LRRTM4: variants seen among roughly 807,000 people sequenced by gnomAD.
LRRTM4 encodes leucine-rich repeat transmembrane neuronal protein 4.
LRRTM4 carries 25 observed loss-of-function variants against 47.6 expected under a neutral mutation model. The observed-to-expected ratio is 0.53, with a 90% CI of 0.38 to 0.73. LRRTM4 has a LOEUF of 0.73. Ranked by LOEUF, LRRTM4 falls within the 30% of genes least tolerant of loss-of-function variation. LRRTM4 has a pLI of 0.00. For synonymous variants in LRRTM4, 311 were observed against 269.5 expected, an observed-to-expected ratio of 1.15 and a Z score of -1.51; for missense variants, 638 against 713.4, an observed-to-expected ratio of 0.89 and a Z score of 1.20.
At chr2:76,955,100 T>G (rs1386127917) in intron 3 of LRRTM4, among the ~76,000 whole-genome samples, 2 of 151,582 alleles carry the variant, frequency 1.3e-5, no homozygotes, top group Non-Finnish European at 2.9e-5. Context: ...CATGTTAAAA[T>G]AAAAGGACAC....
rs200305510 is a variant in LRRTM4, at chr2:76,847,424, A to G, written c.1552-98508T>C. Reference sequence around the variant, plus strand: ...CAGTTTACAGTTTTTTCATGAGCCAATGACTTTCCTATTTGTCATCTTCTC... The same window carrying G: ...CAGTTTACAGTTTTTTCATGAGCCAGTGACTTTCCTATTTGTCATCTTCTC... On this transcript the variant is annotated intron_variant, in intron 3 of 3. Transcript: ENST00000409884. Among the ~76,000 whole-genome samples, 33 of 152,216 alleles carry G rather than the reference A, an allele frequency of 2.2e-4. No homozygotes were observed. The East Asian group carries it at 6.2e-3, about 29-fold the overall frequency.
At chr2:77,451,585 C>T (rs1404486401) in intron 3 of LRRTM4, among the ~76,000 whole-genome samples, 1 of 152,196 alleles carries the variant, frequency 6.6e-6, no homozygotes, top group East Asian at 1.9e-4. Context: ...ATGAGGTCTA[C>T]ACTATACTTG....
chr2:77,065,744 T>C (rs1208692615), intron 3 of LRRTM4, among the ~76,000 whole-genome samples: 2 of 152,174 alleles, frequency 1.3e-5, no homozygotes, highest in Admixed American at 1.3e-4. Context: ...CCTTTGTTAA[T>C]CTTATTTGAG....
chr2:77,237,047 T>A (rs2103981716), intron 3 of LRRTM4, among the ~76,000 whole-genome samples: 1 of 152,198 alleles, frequency 6.6e-6, no homozygotes, highest in Middle Eastern at 3.4e-3. Context: ...TGGAATAAGT[T>A]AGGGAGGATT....
intron 3 of LRRTM4, among the ~76,000 whole-genome samples, chr2:76,966,532 A>G (rs200967550): frequency 2.0e-5 from 3 of 151,578 alleles, no homozygotes; most frequent in East Asian, 3.9e-4. Context: ...ATAACTACGC[A>G]AGCAAACAAA....
At chr2:76,784,468 TATACATAG>T (rs1158954470) in intron 3 of LRRTM4, among the ~76,000 whole-genome samples, 1 of 152,022 alleles carries the variant, frequency 6.6e-6, no homozygotes, top group Non-Finnish European at 1.5e-5. Context: ...ATAGATATAT[TATACATAG>T]ATATATGAAT....
chr2:77,096,564 TTAAA>T (rs2103900874), intron 3 of LRRTM4, among the ~76,000 whole-genome samples: 1 of 150,940 alleles, frequency 6.6e-6, no homozygotes, highest in South Asian at 2.1e-4. Flanking sequence ...AAAATGAGAG[TTAAA>T]TAATGTCTGA....
intron 3 of LRRTM4, among the ~76,000 whole-genome samples, chr2:77,045,278 C>T (rs1679196549): frequency 6.6e-6 from 1 of 151,790 alleles, no homozygotes. Flanking sequence ...CAACAAATTC[C>T]CAAGTGCCTA....
intron 3 of LRRTM4, among the ~76,000 whole-genome samples, chr2:77,322,016 A>G (rs1453309545): frequency 6.6e-6 from 1 of 152,178 alleles, no homozygotes; most frequent in East Asian, 1.9e-4. Context: ...GGAGGGTAAA[A>G]GGTTTTTACT....
At chr2:76,900,218 A>C (rs775833347) in intron 3 of LRRTM4, among the ~76,000 whole-genome samples, 22 of 152,162 alleles carry the variant, frequency 1.4e-4, no homozygotes, top group Admixed American at 2.6e-4. Context: ...TAGGTGACAG[A>C]GCAAGACTCT....
At chr2:77,281,814 A>G (rs537249888) in intron 3 of LRRTM4, among the ~76,000 whole-genome samples, 1 of 152,022 alleles carries the variant, frequency 6.6e-6, no homozygotes, top group South Asian at 2.1e-4. Flanking sequence ...CAAGAAGAGA[A>G]AGTACACAAA....
At chr2:77,027,880 T>C (rs890324070) in intron 3 of LRRTM4, among the ~76,000 whole-genome samples, 4 of 151,972 alleles carry the variant, frequency 2.6e-5, no homozygotes, top group Non-Finnish European at 4.4e-5. Context: ...ACAGTCCCAT[T>C]TGAGAAACAG....
At chr2:77,320,847 A>G (rs1156555523) in intron 3 of LRRTM4, among the ~76,000 whole-genome samples, 1 of 152,140 alleles carries the variant, frequency 6.6e-6, no homozygotes, top group Non-Finnish European at 1.5e-5. Flanking sequence ...TATTACTCCA[A>G]CTATATAAAC....
chr2:77,176,876 C>T (rs1673211189), intron 3 of LRRTM4, among the ~76,000 whole-genome samples: 2 of 152,050 alleles, frequency 1.3e-5, no homozygotes, highest in African/African-American at 4.8e-5. Context: ...ACAAAGATGG[C>T]CACAAAAGTG....
chr2:77,073,606 ATAT>A lies in LRRTM4; in HGVS notation c.1552-324693_1552-324691del, dbSNP rs958991332. ...TGCAACAGTCTTTCTACACCAAAAG[ATAT>A]TATTGATTTCTGAATTTTCATTTTT... On this transcript the variant is annotated intron_variant, in intron 3 of 3. Transcript: ENST00000409884. Among the ~76,000 whole-genome samples, 14 of 152,202 alleles carry A rather than the reference ATAT, an allele frequency of 9.2e-5. No individual in the cohort carries two copies. The South Asian group carries it at 1.2e-3, about 14-fold the overall frequency.
intron 3 of LRRTM4, among the ~76,000 whole-genome samples, chr2:77,406,746 T>G (rs1247085867): frequency 6.6e-6 from 1 of 152,302 alleles, no homozygotes; most frequent in African/African-American, 2.4e-5. Context: ...GTTCCTTTAG[T>G]GTGATGAGAG....
At chr2:76,933,978 C>T (rs75181856) in intron 3 of LRRTM4, among the ~76,000 whole-genome samples, 7,931 of 152,116 alleles carry the variant, frequency 0.052, 473 homozygotes, top group East Asian at 0.13. Context: ...TTCAGATACA[C>T]CCATGCTGAG....
Position 77,026,340 on chromosome 2 carries a change from A to G in LRRTM4, c.1552-277424T>C, listed in dbSNP as rs370312951. Reference sequence around the variant, plus strand: ...ACAGATAAAAGAAATGAGGCTCAGAAAAGTTAAAATCCTTGTGCAACTTGG... The same window carrying G: ...ACAGATAAAAGAAATGAGGCTCAGAGAAGTTAAAATCCTTGTGCAACTTGG... On this transcript the variant is annotated intron_variant, in intron 3 of 3. Coordinates refer to ENST00000409884, the MANE Select transcript of LRRTM4 (RefSeq NM_001134745.3). Among the ~76,000 whole-genome samples the G allele has an allele frequency of 5.8e-4, 89 of 152,260 alleles. 2 individuals carry two copies. In the South Asian group the frequency reaches 0.018, roughly 31 times the overall value.
intron 3 of LRRTM4, among the ~76,000 whole-genome samples, chr2:76,892,820 G>A (rs1280895392): frequency 6.6e-6 from 1 of 151,542 alleles, no homozygotes; most frequent in Non-Finnish European, 1.5e-5. Flanking sequence ...TATTTCCTGA[G>A]CCACTTTTCA....
Sources: gnomAD v4.1 joint callset for allele counts (sites outside exome capture counted in the v4.1 genomes callset) on GRCh38, gnomAD v4.1.1 for gene constraint, MANE v1.5 for transcripts, NCBI Gene and HGNC (gene_info 2026-07-23, HGNC 2026-07-21) for gene names.